The following MYOM2 variants were observed in gnomAD, a reference collection of about 807,000 sequenced individuals.
MYOM2 encodes myomesin 2.
In MYOM2, 254 loss-of-function variants were observed where a neutral mutation model predicts 187.6. The observed-to-expected ratio is 1.35, with a 90% CI of 1.22 to 1.50. MYOM2 has a LOEUF of 1.50. Among genes scored for constraint, MYOM2 ranks in the 40% most tolerant of loss-of-function variants. MYOM2 has a pLI of 0.00. For synonymous variants in MYOM2, 981 were observed against 753.8 expected, an observed-to-expected ratio of 1.30 and a Z score of -4.94; for missense variants, 2,796 against 1,924.0, an observed-to-expected ratio of 1.45 and a Z score of -8.48.
intron 11 of MYOM2, chr8:2,076,519 G>C: frequency 1.9e-6 from 1 of 536,724 alleles, no homozygotes. Flanking sequence ...AGGCTCGTTT[G>C]CCTGTTGCAC....
chr8:2,057,615 C>T lies in MYOM2; in HGVS notation c.403-8C>T, dbSNP rs368744800. ...TGGGAACCTGACCATCCTTGCTTCT[C>T]GGGGCAGATGGAGGACAAGCTGGCC... On this transcript the variant is annotated splice_polypyrimidine_tract_variant and splice_region_variant and intron_variant, in intron 4 of 36. Coordinates refer to ENST00000262113, the MANE Select transcript of MYOM2 (RefSeq NM_003970.4). The T allele has an allele frequency of 5.7e-4, 924 of 1,613,758 alleles. No homozygotes were observed. Among genetic ancestry groups the T allele is most frequent in the Non-Finnish European group, 7.0e-4 (827 of 1,179,906 alleles).
At chr8:2,130,651 C>G (rs1043018698) in intron 32 of MYOM2, among the ~76,000 whole-genome samples, 1 of 152,172 alleles carries the variant, frequency 6.6e-6, no homozygotes, top group Admixed American at 6.5e-5. Context: ...TACATCTGTG[C>G]TTGGAATCTC....
In MYOM2 at chr8:2,098,400, C is replaced by T. The variant is rs930265647; in HGVS notation, c.2314-457C>T. ...CCGGGGGCTCTTGTCATGCAGAGTC[C>T]AAGTATGGGGGACGTGGTGGGCTCC... On this transcript the variant is annotated intron_variant, in intron 18 of 36. Coordinates refer to ENST00000262113, the MANE Select transcript of MYOM2 (RefSeq NM_003970.4). Among the ~76,000 whole-genome samples, 6 of 152,074 alleles carry T rather than the reference C, an allele frequency of 3.9e-5. 1 individual carries two copies. In the South Asian group the frequency reaches 6.2e-4, roughly 16 times the overall value.
At chr8:2,088,047 A>G (rs1315470616) in intron 14 of MYOM2, among the ~76,000 whole-genome samples, 1 of 150,860 alleles carries the variant, frequency 6.6e-6, no homozygotes, top group African/African-American at 2.4e-5. Context: ...TTTTTTTTGT[A>G]ATTTTTATTA....
At chr8:2,084,698 C>T (rs1332297136) in intron 13 of MYOM2, among the ~76,000 whole-genome samples, 1 of 152,184 alleles carries the variant, frequency 6.6e-6, no homozygotes, top group African/African-American at 2.4e-5. Context: ...CAACATCACT[C>T]CAGAATTCAA....
chr8:2,077,120 G>A (rs924351259), intron 11 of MYOM2, among the ~76,000 whole-genome samples: 1 of 152,086 alleles, frequency 6.6e-6, no homozygotes, highest in African/African-American at 2.4e-5. Flanking sequence ...GAGCATGCTG[G>A]CCAGCATGGT....
intron 18 of MYOM2, among the ~76,000 whole-genome samples, chr8:2,096,849 T>G (rs923706598): frequency 1.3e-5 from 2 of 152,152 alleles, no homozygotes; most frequent in African/African-American, 4.8e-5. Context: ...CACCCACCAT[T>G]TCCCTGAGAC....
intron 15 of MYOM2, 77 bp downstream of exon 15, chr8:2,090,268 G>A (rs1475420093): frequency 8.7e-6 from 12 of 1,383,864 alleles, no homozygotes; most frequent in Non-Finnish European, 1.2e-5. Context: ...TAAATTGTGT[G>A]AATAAAGACA....
At chr8:2,117,638 C>T (rs1277515822) in intron 27 of MYOM2, among the ~76,000 whole-genome samples, 2 of 152,110 alleles carry the variant, frequency 1.3e-5, no homozygotes, top group Non-Finnish European at 2.9e-5. Context: ...TACCAGGAAG[C>T]ACAGATTCCA....
intron 16 of MYOM2, among the ~76,000 whole-genome samples, chr8:2,093,221 G>A (rs1796369915): frequency 6.6e-6 from 1 of 152,162 alleles, no homozygotes; most frequent in Non-Finnish European, 1.5e-5. Flanking sequence ...CTAACAAGAA[G>A]AGATGTCATT....
Position 2,057,543 on chromosome 8 carries a change from G to T in MYOM2, c.402+57G>T, listed in dbSNP as rs1018775109. ...GGAAGCGTGGACTAGATCTTAGCTT[G>T]TCTGCATGGTGCTTGAGGGGCCGAG... On this transcript the variant is annotated intron_variant, in intron 4 of 36. Transcript: ENST00000262113. 6 of 1,613,050 alleles carry T rather than the reference G, an allele frequency of 3.7e-6. No homozygotes were observed. In the African/African-American group the frequency reaches 6.7e-5, roughly 18 times the overall value.
rs747650908 is a variant in MYOM2 at position 2,116,092 on chromosome 8, C to G, written c.3313C>G (p.Leu1105Val). ...GKAKSQSSLV[L>V]IGDAFKTVLE... ...AGCCAAAAGTCAGTCTTCTCTAGTT[C>G]TTATTGGAGATGGTATGCTATATCG... Residue 1105 changes from leucine to valine, a missense_variant, in exon 26 of 37, where the codon CTT (leucine) becomes GTT (valine). Physicochemically the swap from Leu to Val is conservative, Grantham distance 32 (BLOSUM62 1). Transcript: ENST00000262113. The G allele has an allele frequency of 1.2e-6, 2 of 1,610,796 alleles. No homozygotes were observed. The highest frequency in any genetic ancestry group is 4.5e-5 in the East Asian group (2 of 44,678).
At chr8:2,113,599 C>T (rs1797139130) in intron 25 of MYOM2, among the ~76,000 whole-genome samples, 1 of 152,094 alleles carries the variant, frequency 6.6e-6, no homozygotes, top group African/African-American at 2.4e-5. Flanking sequence ...CCGACTGGGA[C>T]AGGTTCATAG....
rs762925779 is a variant in MYOM2 at position 2,057,798 on chromosome 8, C to A, written c.560+18C>A. ...GTGCAGTGGTGAGGGGCTCTGTTCCCAGGGGGTGAAGAAGTCCATTCTGCG... is the reference window on the plus strand; with the variant it reads ...GTGCAGTGGTGAGGGGCTCTGTTCCAAGGGGGTGAAGAAGTCCATTCTGCG... On this transcript the variant is annotated intron_variant, in intron 5 of 36. Transcript: ENST00000262113. 6.2e-7 allele frequency: 1 copy of A among 1,609,498 alleles called. No homozygotes were observed. Among genetic ancestry groups the A allele is most frequent in the Non-Finnish European group, 8.5e-7 (1 of 1,176,718 alleles).
At chr8:2,078,167 T>G (rs1819498710) in intron 11 of MYOM2, among the ~76,000 whole-genome samples, 1 of 152,242 alleles carries the variant, frequency 6.6e-6, no homozygotes, top group East Asian at 1.9e-4. Context: ...CAGGAATTAA[T>G]ATTTTCAAAA....
chr8:2,140,816 A>G lies in MYOM2; in HGVS notation c.3894A>G (p.Lys1298=). The part of the protein sequence containing the change: ...LQICEPTEKD[K]GKYTFEIFDG... ...TATGTGAGCCGACTGAGAAGGATAA[A>G]GGAAAATACACTTTTGAGATTTTCG... The change falls in exon 33 of 37, where the codon AAA becomes AAG. Residue 1298 remains lysine, a synonymous_variant. Transcript: ENST00000262113. 6.2e-7 allele frequency: 1 copy of G among 1,614,148 alleles called. No individual in the cohort carries two copies. Among genetic ancestry groups the G allele is most frequent in the Non-Finnish European group, 8.5e-7 (1 of 1,179,972 alleles).
At chr8:2,121,760 T>C (rs1293462039) in intron 28 of MYOM2, among the ~76,000 whole-genome samples, 1 of 152,112 alleles carries the variant, frequency 6.6e-6, no homozygotes, top group Non-Finnish European at 1.5e-5. Flanking sequence ...CATAAGAAAA[T>C]CTGTTAAACA....
chr8:2,115,434 C>G (rs928299929), intron 25 of MYOM2, among the ~76,000 whole-genome samples: 3 of 152,118 alleles, frequency 2.0e-5, no homozygotes, highest in Admixed American at 2.0e-4. Flanking sequence ...TAAAAGCGAT[C>G]AAAAAAGTCA....
At chr8:2,093,563 C>T (rs1326714082) in intron 16 of MYOM2, among the ~76,000 whole-genome samples, 1 of 152,126 alleles carries the variant, frequency 6.6e-6, no homozygotes, top group Non-Finnish European at 1.5e-5. Flanking sequence ...GTTTCAAAGC[C>T]CCAGTATTCG....
Sources: allele counts gnomAD v4.1 joint callset (sites outside exome capture counted in the v4.1 genomes callset), GRCh38; gene constraint gnomAD v4.1.1; transcripts MANE v1.5; gene names NCBI Gene and HGNC (gene_info 2026-07-23, HGNC 2026-07-21).